Variants in SH3BGRL observed in about 807,000 individuals in gnomAD.
The protein encoded by SH3BGRL is adapter SH3BGRL.
A neutral mutation model predicts 9.8 loss-of-function variants in SH3BGRL; 7 were observed. That is an observed-to-expected ratio of 0.72 (90% CI 0.41 to 1.35). The LOEUF (loss-of-function observed/expected upper bound fraction) is 1.35, where lower values mean the gene tolerates loss of function less well. SH3BGRL is among the 40% of genes most tolerant of loss of function. SH3BGRL has a pLI of 0.01. For missense variants in SH3BGRL, 73 were observed against 84.4 expected (o/e 0.86, Z 0.53); for synonymous variants, 36 against 29.1 (o/e 1.24, Z -0.76).
intron 1 of SH3BGRL, among the ~76,000 whole-genome samples, chrX:81,238,338 C>T (rs1027625679): frequency 3.0e-4 from 34 of 112,228 alleles, no homozygotes; most frequent in Middle Eastern, 4.6e-3. Context: ...CTTAAGGGAA[C>T]ATTGACAGCA....
At chrX:81,262,787 T>G (rs1463925504) in intron 1 of SH3BGRL, among the ~76,000 whole-genome samples, 1 of 112,193 alleles carries the variant, frequency 8.9e-6, no homozygotes, top group Non-Finnish European at 1.9e-5. Flanking sequence ...GTAAATTGCA[T>G]TCCAGAATTA....
chrX:81,221,782 C>T (rs190272654), intron 1 of SH3BGRL, among the ~76,000 whole-genome samples: 4 of 112,125 alleles, frequency 3.6e-5, no homozygotes, highest in Admixed American at 2.8e-4. Context: ...AAAGGTCATG[C>T]AGTAAAACAT....
intron 3 of SH3BGRL, among the ~76,000 whole-genome samples, chrX:81,295,936 G>T (rs757388994): frequency 1.8e-5 from 2 of 111,000 alleles, no homozygotes; most frequent in Admixed American, 9.6e-5. Context: ...ACATTTTCAG[G>T]TATCTTTATA....
chrX:81,270,747 A>G (rs774815927), intron 1 of SH3BGRL, among the ~76,000 whole-genome samples: 3 of 112,019 alleles, frequency 2.7e-5, no homozygotes, highest in Non-Finnish European at 3.8e-5. Flanking sequence ...CGGGAGAACT[A>G]CTGCTCTCTT....
intron 1 of SH3BGRL, among the ~76,000 whole-genome samples, chrX:81,208,954 G>A (rs1039187659): frequency 6.5e-5 from 7 of 108,396 alleles, no homozygotes; most frequent in Admixed American, 9.9e-5. Context: ...AGTGTTCAAT[G>A]ATGCTAGGTT....
At chrX:81,283,908 A>G (rs1436255205) in intron 3 of SH3BGRL, among the ~76,000 whole-genome samples, 1 of 111,460 alleles carries the variant, frequency 9.0e-6, no homozygotes, top group Non-Finnish European at 1.9e-5. Flanking sequence ...AGGATCATTT[A>G]TCTTGAAAAC....
intron 3 of SH3BGRL, among the ~76,000 whole-genome samples, chrX:81,280,782 T>A (rs770608950): frequency 9.0e-6 from 1 of 110,891 alleles, no homozygotes; most frequent in Admixed American, 9.6e-5. Flanking sequence ...TGCAAAAAAA[T>A]CACACTAGCT....
chrX:81,234,618 A>G (rs887346999), intron 1 of SH3BGRL, among the ~76,000 whole-genome samples: 1 of 112,155 alleles, frequency 8.9e-6, no homozygotes, highest in Non-Finnish European at 1.9e-5. Context: ...TGGAAATTTT[A>G]AAGTTCTTAG....
chrX:81,253,514 A>C (rs1397430431), intron 1 of SH3BGRL, among the ~76,000 whole-genome samples: 1 of 111,181 alleles, frequency 9.0e-6, no homozygotes, highest in African/African-American at 3.3e-5. Flanking sequence ...CCACTTTGCC[A>C]GGCACTTGAT....
chrX:81,272,588 C>T (rs1244057975), intron 1 of SH3BGRL, among the ~76,000 whole-genome samples: 4 of 107,302 alleles, frequency 3.7e-5, no homozygotes, highest in African/African-American at 1.4e-4. Flanking sequence ...GCAAGCTCCA[C>T]CTCCTGGGTT....
intron 1 of SH3BGRL, among the ~76,000 whole-genome samples, chrX:81,251,437 A>C (rs1483042557): frequency 1.8e-5 from 2 of 108,400 alleles, no homozygotes; most frequent in African/African-American, 6.7e-5. Flanking sequence ...TTTATTTATG[A>C]CTTAATTCTT....
intron 1 of SH3BGRL, among the ~76,000 whole-genome samples, chrX:81,268,871 T>G (rs750548954): frequency 1.1e-3 from 122 of 111,791 alleles, no homozygotes; most frequent in Non-Finnish European, 8.1e-4. Context: ...TGTAGGTCTG[T>G]AAGAACTTGC....
intron 1 of SH3BGRL, among the ~76,000 whole-genome samples, chrX:81,218,033 C>T (rs987337814): frequency 3.6e-5 from 4 of 110,647 alleles, no homozygotes; most frequent in African/African-American, 1.3e-4. Context: ...ACTTTTGTTG[C>T]TTTAAAGTCT....
At chrX:81,282,467 A>T (rs191710585) in intron 3 of SH3BGRL, among the ~76,000 whole-genome samples, 1 of 112,215 alleles carries the variant, frequency 8.9e-6, no homozygotes, top group Non-Finnish European at 1.9e-5. Flanking sequence ...AATTGATATT[A>T]TATCAAGCAC....
intron 1 of SH3BGRL, among the ~76,000 whole-genome samples, chrX:81,238,883 C>T (rs1159830738): frequency 9.2e-6 from 1 of 108,870 alleles, no homozygotes; most frequent in Non-Finnish European, 1.9e-5. Context: ...AGAGTCTCTG[C>T]CTGGTAATTC....
chrX:81,267,479 C>T (rs1309100620), intron 1 of SH3BGRL, among the ~76,000 whole-genome samples: 3 of 111,694 alleles, frequency 2.7e-5, no homozygotes, highest in Non-Finnish European at 5.6e-5. Flanking sequence ...TGCTTCTTGT[C>T]GTTGGTTCTG....
chrX:81,244,852 G>A (rs2075683307), intron 1 of SH3BGRL, among the ~76,000 whole-genome samples: 1 of 110,997 alleles, frequency 9.0e-6, no homozygotes, highest in Admixed American at 9.6e-5. Context: ...CTGTGTTCAG[G>A]TAAAAGAAAG....
rs777716479 is a variant in SH3BGRL at position 81,241,643 on chromosome X, T to C, written c.46-35341T>C. Among the ~76,000 whole-genome samples, 9 of 111,997 alleles carry C rather than the reference T, an allele frequency of 8.0e-5. No homozygotes were observed. The South Asian group carries it at 3.4e-3, about 42-fold the overall frequency. On this transcript the variant is annotated intron_variant, in intron 1 of 3. Transcript: ENST00000373212. ...TGAAGCTCATCTCCTGGCTGAAACATGCACCCCTGTTCACTGTGTTGTGGG... is the reference window on the plus strand; with the variant it reads ...TGAAGCTCATCTCCTGGCTGAAACACGCACCCCTGTTCACTGTGTTGTGGG...
chrX:81,209,352 G>T (rs907210097), intron 1 of SH3BGRL, among the ~76,000 whole-genome samples: 1 of 111,580 alleles, frequency 9.0e-6, no homozygotes, highest in Non-Finnish European at 1.9e-5. Context: ...ACTTATTTAT[G>T]CATTGTATAT....
Sources: gnomAD v4.1 joint callset for allele counts (sites outside exome capture counted in the v4.1 genomes callset) on GRCh38, gnomAD v4.1.1 for gene constraint, MANE v1.5 for transcripts, NCBI Gene and HGNC (gene_info 2026-07-23, HGNC 2026-07-21) for gene names.